The following PDLIM5 variants were observed in gnomAD, a reference collection of about 807,000 sequenced individuals.
PDLIM5 encodes PDZ and LIM domain 5.
A neutral mutation model predicts 64.2 loss-of-function variants in PDLIM5; 34 were observed. That is an observed-to-expected ratio of 0.53 (90% CI 0.40 to 0.71). The LOEUF is 0.71. PDLIM5 is among the 30% of genes least tolerant of loss of function. The pLI is 0.00. For synonymous variants in PDLIM5, 253 were observed against 269.1 expected, an observed-to-expected ratio of 0.94 and a Z score of 0.59; for missense variants, 683 against 733.6, an observed-to-expected ratio of 0.93 and a Z score of 0.80.
intron 2 of PDLIM5, among the ~76,000 whole-genome samples, chr4:94,475,924 G>C (rs561588907): frequency 1.3e-5 from 2 of 152,094 alleles, no homozygotes; most frequent in African/African-American, 4.8e-5. Flanking sequence ...GTCAGAATTG[G>C]CAAATCACCT....
At chr4:94,535,157 G>C (rs1731208309) in intron 3 of PDLIM5, among the ~76,000 whole-genome samples, 1 of 152,152 alleles carries the variant, frequency 6.6e-6, no homozygotes, top group African/African-American at 2.4e-5. Context: ...ACCTGGCTTA[G>C]TGACGGCTTG....
intron 7 of PDLIM5, chr4:94,587,036 G>A (rs369465325): frequency 1.3e-4 from 208 of 1,596,832 alleles, no homozygotes; most frequent in Admixed American, 4.0e-4. Flanking sequence ...ACAAAATTAC[G>A]TGACTGGCAC....
At chr4:94,561,142 A>G (rs1053887589) in intron 3 of PDLIM5, among the ~76,000 whole-genome samples, 1 of 152,160 alleles carries the variant, frequency 6.6e-6, no homozygotes, top group Non-Finnish European at 1.5e-5. Flanking sequence ...TACAAATAGT[A>G]TACTCCTGAG....
intron 2 of PDLIM5, among the ~76,000 whole-genome samples, chr4:94,470,340 C>T (rs111933792): frequency 0.012 from 1,812 of 152,148 alleles, 41 homozygotes; most frequent in African/African-American, 0.041. Context: ...TGTGATGTTA[C>T]GACCTTTTCT....
At chr4:94,458,673 G>T (rs564779612) in intron 2 of PDLIM5, among the ~76,000 whole-genome samples, 1 of 152,204 alleles carries the variant, frequency 6.6e-6, no homozygotes, top group African/African-American at 2.4e-5. Context: ...CTGGTGTATC[G>T]AATTGTGTTA....
intron 7 of PDLIM5, among the ~76,000 whole-genome samples, chr4:94,596,365 T>A (rs1371446233): frequency 2.0e-5 from 3 of 152,150 alleles, no homozygotes; most frequent in Non-Finnish European, 4.4e-5. Flanking sequence ...GAGGCAGAAT[T>A]TTGTCAGACC....
intron 7 of PDLIM5, among the ~76,000 whole-genome samples, chr4:94,617,056 T>C (rs1738839889): frequency 6.6e-6 from 1 of 152,216 alleles, no homozygotes; most frequent in Non-Finnish European, 1.5e-5. Flanking sequence ...AGTGCTGGGA[T>C]TACAGGCATG....
At chr4:94,661,942 T>G (rs1742756458) in intron 11 of PDLIM5, among the ~76,000 whole-genome samples, 1 of 151,900 alleles carries the variant, frequency 6.6e-6, no homozygotes. Flanking sequence ...TGCCTCAGCC[T>G]CCCGAGTAGC....
intron 2 of PDLIM5, among the ~76,000 whole-genome samples, chr4:94,475,209 T>C (rs1725220201): frequency 6.6e-6 from 1 of 152,102 alleles, no homozygotes; most frequent in Non-Finnish European, 1.5e-5. Context: ...AGGAGGTTGT[T>C]GTATAAAGGA....
At chr4:94,647,204 G>C (rs1055691752) in intron 9 of PDLIM5, among the ~76,000 whole-genome samples, 1 of 152,144 alleles carries the variant, frequency 6.6e-6, no homozygotes, top group Admixed American at 6.6e-5. Context: ...CTAAAAGAGA[G>C]AGTGGAAGGG....
chr4:94,653,600 C>A (rs1311348580), intron 9 of PDLIM5, among the ~76,000 whole-genome samples: 1 of 151,752 alleles, frequency 6.6e-6, no homozygotes, highest in East Asian at 1.9e-4. Flanking sequence ...TGTTAAAAAT[C>A]GGTCATGTTG....
At chr4:94,474,443 G>A (rs1455108019) in intron 2 of PDLIM5, among the ~76,000 whole-genome samples, 1 of 152,020 alleles carries the variant, frequency 6.6e-6, no homozygotes, top group East Asian at 1.9e-4. Flanking sequence ...TAGAGACGGG[G>A]TTTCACCATA....
chr4:94,487,739 C>T (rs371957703), intron 2 of PDLIM5, among the ~76,000 whole-genome samples: 5 of 152,236 alleles, frequency 3.3e-5, no homozygotes, highest in Non-Finnish European at 5.9e-5. Context: ...ATCATTCCTA[C>T]GGTGGTGGTG....
At chr4:94,454,545 G>A (rs902321177) in intron 1 of PDLIM5, among the ~76,000 whole-genome samples, 11 of 152,142 alleles carry the variant, frequency 7.2e-5, no homozygotes, top group African/African-American at 2.7e-4. Flanking sequence ...GCCTGGTGAG[G>A]TGTGTGTATA....
rs565851971 is a variant in PDLIM5 at position 94,556,031 on chromosome 4, A to G, written c.249-17320A>G. On this transcript the variant is annotated intron_variant, in intron 3 of 12. Transcript: ENST00000317968. ...TTAACTCGTCATTTACATTAGGTAT[A>G]TCTCCTAATGCTATCCCTCCCGCCT... Among the ~76,000 whole-genome samples the G allele has an allele frequency of 3.3e-5, 5 of 151,758 alleles. No homozygotes were observed. In the East Asian group the frequency reaches 9.7e-4, roughly 29 times the overall value.
intron 9 of PDLIM5, among the ~76,000 whole-genome samples, chr4:94,648,232 C>A (rs1269246859): frequency 6.6e-6 from 1 of 150,998 alleles, no homozygotes; most frequent in Non-Finnish European, 1.5e-5. Context: ...TTGGAAAGAT[C>A]AACAAAATTG....
intron 7 of PDLIM5, among the ~76,000 whole-genome samples, chr4:94,607,439 A>G (rs1045312947): frequency 3.9e-5 from 6 of 152,154 alleles, no homozygotes; most frequent in African/African-American, 1.4e-4. Context: ...AATAATACAG[A>G]TATCAGAAAA....
intron 2 of PDLIM5, among the ~76,000 whole-genome samples, chr4:94,459,255 T>G (rs888692740): frequency 6.6e-6 from 1 of 152,240 alleles, no homozygotes; most frequent in African/African-American, 2.4e-5. Context: ...TTGGGCTCTT[T>G]TCTTCACTGT....
At chr4:94,540,639 G>A (rs1426039475) in intron 3 of PDLIM5, among the ~76,000 whole-genome samples, 1 of 152,202 alleles carries the variant, frequency 6.6e-6, no homozygotes, top group Admixed American at 6.5e-5. Context: ...GAGAGTTCCA[G>A]TGATGAGTGT....
Sources: allele counts gnomAD v4.1 joint callset (sites outside exome capture counted in the v4.1 genomes callset), GRCh38; gene constraint gnomAD v4.1.1; transcripts MANE v1.5; gene names NCBI Gene and HGNC (gene_info 2026-07-23, HGNC 2026-07-21).